The following PPP2R2D variants were observed in gnomAD, a reference collection of about 807,000 sequenced individuals.
PPP2R2D encodes the protein protein phosphatase 2 regulatory subunit Bdelta.
In PPP2R2D, 9 loss-of-function variants were observed where a neutral mutation model predicts 31.1. The ratio of observed to expected loss-of-function variants is 0.29; its 90% confidence interval spans 0.17 to 0.51. PPP2R2D has a LOEUF of 0.51. PPP2R2D is among the 20% of genes least tolerant of loss of function. PPP2R2D has a pLI of 0.98. For synonymous variants in PPP2R2D, 179 were observed against 172.6 expected, an observed-to-expected ratio of 1.04 and a Z score of -0.29; for missense variants, 391 against 465.6, an observed-to-expected ratio of 0.84 and a Z score of 1.48.
chr10:131,970,824 C>G, the PPP2R2D span: 65 of 1,614,252 alleles, frequency 4.0e-5, no homozygotes, highest in African/African-American at 6.0e-4. The surrounding 1 kb of genome is among the most constrained non-coding windows in gnomAD (Gnocchi z 4.1). Context: ...GATGTGTCCT[C>G]TGTCAAGGGG....
At chr10:131,917,780 G>C (rs1564811702) in intron 2 of PPP2R2D, among the ~76,000 whole-genome samples, 1 of 103,416 alleles carries the variant, frequency 9.7e-6, no homozygotes, top group African/African-American at 3.9e-5. Context: ...GAATGACACA[G>C]TGTAGGGACC....
chr10:131,930,729 G>A (rs1401518665), intron 2 of PPP2R2D, among the ~76,000 whole-genome samples: 4 of 152,146 alleles, frequency 2.6e-5, no homozygotes, highest in Non-Finnish European at 4.4e-5. Flanking sequence ...TGAGATGTGC[G>A]CGGCCTGGGT....
intron 5 of PPP2R2D, among the ~76,000 whole-genome samples, chr10:131,943,443 C>T (rs1244365171): frequency 1.3e-5 from 2 of 152,166 alleles, no homozygotes; most frequent in Admixed American, 1.3e-4. Flanking sequence ...AGCCCCAGAC[C>T]AAGAAATGGA....
the PPP2R2D span, chr10:131,970,562 G>C: frequency 6.5e-7 from 1 of 1,537,672 alleles, no homozygotes. This position sits in a 1 kb window ranked among gnomAD's most constrained non-coding sequence, Gnocchi z 4.1. Flanking sequence ...CAGGAAACAG[G>C]TTACGAATAA....
rs2035533386 is a variant in PPP2R2D at position 131,903,454 on chromosome 10, A to G, written c.100+2124A>G. On this transcript the variant is annotated intron_variant, in intron 2 of 8. Coordinates refer to ENST00000455566, the MANE Select transcript of PPP2R2D (RefSeq NM_018461.5). Reference sequence around the variant, plus strand: ...TGCCCTCCAGCCTGGACAATAGAACAAGGCTCCATCTCAAAAAAAAAAAAA... The same window carrying G: ...TGCCCTCCAGCCTGGACAATAGAACGAGGCTCCATCTCAAAAAAAAAAAAA... Among the ~76,000 whole-genome samples, 3 of 145,832 alleles carry G rather than the reference A, an allele frequency of 2.1e-5. No homozygotes were observed. In the South Asian group the frequency reaches 6.7e-4, roughly 32 times the overall value.
intron 8 of PPP2R2D, among the ~76,000 whole-genome samples, chr10:131,951,825 AAAAC>A (rs1399353979): frequency 2.0e-5 from 3 of 152,210 alleles, no homozygotes; most frequent in Admixed American, 6.5e-5. Flanking sequence ...GTCTCAAAAA[AAAAC>A]AAAAAAAATC....
chr10:131,928,900 G>C (rs1380944011), intron 2 of PPP2R2D, among the ~76,000 whole-genome samples: 4 of 152,220 alleles, frequency 2.6e-5, no homozygotes, highest in Non-Finnish European at 5.9e-5. Flanking sequence ...AGAGCTGAGA[G>C]CTGATCTGAT....
chr10:131,901,396 C>T (rs2119680140), intron 2 of PPP2R2D, 66 bp downstream of exon 2: 1 of 346,042 alleles, frequency 2.9e-6, no homozygotes, highest in Non-Finnish European at 5.2e-6. Context: ...CCGCGCGCGG[C>T]CTCCGGGCCC....
intron 2 of PPP2R2D, among the ~76,000 whole-genome samples, chr10:131,916,056 A>G (rs1199609566): frequency 1.3e-5 from 2 of 152,226 alleles, no homozygotes; most frequent in Non-Finnish European, 1.5e-5. Flanking sequence ...TACTGATCAC[A>G]GTCAAATATG....
At position 131,958,552 on chromosome 10, in the gene PPP2R2D, G is replaced by T; in HGVS notation, c.*2589G>T. The T allele has an allele frequency of 4.8e-6, 1 of 208,318 alleles. No individual in the cohort carries two copies. The highest frequency in any genetic ancestry group is 9.6e-6 in the Non-Finnish European group (1 of 103,700). 12.9% of individuals were successfully genotyped at this position (208,318 alleles called of 1,614,324 possible). ...TGCTGATCCCCCATCCCCCTGTGGA[G>T]ATGAAGGGGTATGCTGATCCCCTGT... On this transcript the variant is annotated 3_prime_UTR_variant, in exon 9 of 9. Transcript: ENST00000455566.
the PPP2R2D span, chr10:131,971,478 C>T: frequency 3.8e-5 from 6 of 157,334 alleles, no homozygotes; most frequent in Non-Finnish European, 8.4e-5. Context: ...ACAGCTGCGG[C>T]CAAATCCTCA....
At chr10:131,950,056 G>C (rs530761582) in intron 8 of PPP2R2D, among the ~76,000 whole-genome samples, 16 of 152,094 alleles carry the variant, frequency 1.1e-4, no homozygotes, top group African/African-American at 3.9e-4. Flanking sequence ...AAAGGAGTCA[G>C]AGAACATCTA....
intron 3 of PPP2R2D, chr10:131,934,842 C>T (rs1228015581): frequency 2.0e-6 from 1 of 499,812 alleles, no homozygotes; most frequent in Non-Finnish European, 3.9e-6. Context: ...TGCTTTCATT[C>T]CATAAGAACT....
At chr10:131,904,442 A>G (rs1457704238) in intron 2 of PPP2R2D, among the ~76,000 whole-genome samples, 6 of 140,786 alleles carry the variant, frequency 4.3e-5, no homozygotes, top group East Asian at 4.5e-4. Context: ...CCCGGGAGGC[A>G]GAGCTTGCAG....
chr10:131,962,940 G>A (rs777106596), downstream of PPP2R2D, among the ~76,000 whole-genome samples: 8 of 152,168 alleles, frequency 5.3e-5, no homozygotes, highest in Non-Finnish European at 7.3e-5. Flanking sequence ...TGAGGTGGGC[G>A]GATCACGAGG....
the PPP2R2D span, chr10:131,968,221 G>T: frequency 2.3e-5 from 5 of 214,800 alleles, no homozygotes; most frequent in Admixed American, 1.6e-4. Flanking sequence ...CACACATCAT[G>T]ACTAGTATAT....
the PPP2R2D span, chr10:131,970,981 G>T: frequency 6.2e-7 from 1 of 1,611,168 alleles, no homozygotes; most frequent in Non-Finnish European, 8.5e-7. The surrounding 1 kb of genome is among the most constrained non-coding windows in gnomAD (Gnocchi z 4.1). Context: ...CTAAGATAAA[G>T]TCAATGTTAA....
In PPP2R2D at chr10:131,958,393, G is replaced by T; in HGVS notation, c.*2430G>T. 7.5e-6 allele frequency: 1 copy of T among 133,808 alleles called. No homozygotes were observed. 8.3% of individuals were successfully genotyped at this position (133,808 alleles called of 1,614,324 possible). On this transcript the variant is annotated 3_prime_UTR_variant, in exon 9 of 9. Transcript: ENST00000455566. ...ATGAAGGTGTGTGCTGATTCCTCATGCCCCTGTGGAGATGGAGGTGTGTGC... is the reference window on the plus strand; with the variant it reads ...ATGAAGGTGTGTGCTGATTCCTCATTCCCCTGTGGAGATGGAGGTGTGTGC...
rs2036562228 is a variant in PPP2R2D, at chr10:131,947,415, T to A, written c.821-115T>A. ...TCAGAAAGATCAGAAGACCTAGTGT[T>A]GAGGCCAAGCCCTTCCAGAGTCTCT... is the stretch of plus-strand genomic sequence containing the variant. On this transcript the variant is annotated intron_variant, in intron 7 of 8. Transcript: ENST00000455566. This position sits in a 1 kb window ranked among gnomAD's most constrained non-coding sequence, Gnocchi z 4.3. The A allele has an allele frequency of 9.0e-7, 1 of 1,116,442 alleles. No homozygotes were observed. Among genetic ancestry groups the A allele is most frequent in the Non-Finnish European group, 1.3e-6 (1 of 799,118 alleles). 69.2% of individuals were successfully genotyped at this position (1,116,442 alleles called of 1,614,324 possible).
Sources: gnomAD v4.1 joint callset for allele counts (sites outside exome capture counted in the v4.1 genomes callset) on GRCh38, gnomAD v4.1.1 for gene constraint, Gnocchi (gnomAD v3.1) non-coding constraint, MANE v1.5 for transcripts, NCBI Gene and HGNC (gene_info 2026-07-23, HGNC 2026-07-21) for gene names.